Variants in SLC16A9 observed in about 807,000 individuals in gnomAD.
The protein encoded by SLC16A9 is monocarboxylate transporter 9.
A neutral mutation model predicts 44.3 loss-of-function variants in SLC16A9; 26 were observed. That is an observed-to-expected ratio of 0.59 (90% CI 0.43 to 0.81). SLC16A9 has a LOEUF of 0.81. Ranked by LOEUF, SLC16A9 falls within the 40% of genes least tolerant of loss-of-function variation. SLC16A9 has a pLI of 0.00. For missense variants in SLC16A9, 559 were observed against 595.8 expected, an observed-to-expected ratio of 0.94 and a Z score of 0.64; for synonymous variants, 230 against 225.1, an observed-to-expected ratio of 1.02 and a Z score of -0.19.
At chr10:59,702,400 C>G (rs928574215) in intron 1 of SLC16A9, among the ~76,000 whole-genome samples, 2 of 152,058 alleles carry the variant, frequency 1.3e-5, no homozygotes, top group South Asian at 4.1e-4. Flanking sequence ...TTAACATACT[C>G]GCTGATGTGA....
chr10:59,706,785 C>T (rs1328747086), intron 1 of SLC16A9, among the ~76,000 whole-genome samples: 4 of 151,918 alleles, frequency 2.6e-5, no homozygotes, highest in Admixed American at 2.6e-4. Flanking sequence ...CCAGCCTGGC[C>T]AACATGGTGA....
rs569262192 is a variant in SLC16A9 at position 59,696,568 on chromosome 10, G to C, written c.-36-12241C>G. On this transcript the variant is annotated intron_variant, in intron 1 of 5. Transcript: ENST00000395348. ...GAGCGTCTCTGCCTGGCCGCCCATC[G>C]TCTGGGATGTGAGGAGCCTCTCTGC... 9.0e-5 allele frequency among the ~76,000 whole-genome samples: 13 copies of C among 144,508 alleles called. No homozygotes were observed. In the South Asian group the frequency reaches 3.0e-3, roughly 33 times the overall value. 94.8% of individuals were successfully genotyped at this position (144,508 alleles called of 152,430 possible).
intron 1 of SLC16A9, among the ~76,000 whole-genome samples, chr10:59,705,358 G>A (rs970723430): frequency 6.6e-5 from 10 of 152,044 alleles, no homozygotes; most frequent in African/African-American, 2.4e-4. Flanking sequence ...CCCGTTACAT[G>A]ATAGTACAAT....
At chr10:59,660,548 A>G (rs1357270681) in intron 4 of SLC16A9, among the ~76,000 whole-genome samples, 1 of 152,220 alleles carries the variant, frequency 6.6e-6, no homozygotes. Context: ...GACCAGGCGG[A>G]TTCACAGCCA....
intron 3 of SLC16A9, among the ~76,000 whole-genome samples, chr10:59,667,902 C>T (rs766098617): frequency 6.6e-6 from 1 of 152,114 alleles, no homozygotes; most frequent in African/African-American, 2.4e-5. Context: ...TGTAACATTT[C>T]TTTTCCACAC....
At chr10:59,670,536 G>A (rs1344297893) in intron 3 of SLC16A9, among the ~76,000 whole-genome samples, 1 of 152,214 alleles carries the variant, frequency 6.6e-6, no homozygotes, top group Non-Finnish European at 1.5e-5. Context: ...GAGCCTGCCT[G>A]CTAGTCAGTG....
At chr10:59,698,746 C>CT (rs1217808417) in intron 1 of SLC16A9, among the ~76,000 whole-genome samples, 21 of 140,618 alleles carry the variant, frequency 1.5e-4, no homozygotes, top group South Asian at 4.6e-4. Flanking sequence ...TTTTTTTTTT[C>CT]TTTTTTTTTG....
intron 1 of SLC16A9, among the ~76,000 whole-genome samples, chr10:59,702,357 A>G (rs1840542734): frequency 6.6e-6 from 1 of 152,140 alleles, no homozygotes; most frequent in Non-Finnish European, 1.5e-5. Context: ...ATTCTTTCCG[A>G]TTCGGTTTTA....
intron 3 of SLC16A9, among the ~76,000 whole-genome samples, chr10:59,668,578 C>T (rs925706728): frequency 1.3e-5 from 2 of 152,176 alleles, no homozygotes; most frequent in Admixed American, 6.5e-5. Flanking sequence ...ATTGGTTGTG[C>T]GACTTTGGCA....
Position 59,653,722 on chromosome 10 carries a change from A to T in SLC16A9, c.1304T>A (p.Leu435Ter). 1 of 1,614,120 alleles carries T rather than the reference A, an allele frequency of 6.2e-7. No homozygotes were observed. The highest frequency in any genetic ancestry group is 8.5e-7 in the Non-Finnish European group (1 of 1,180,004). The change falls in exon 5 of 6, where the codon TTA becomes TAA. Residue 435 changes from leucine (L) to a stop codon, truncating the protein, a stop_gained. Coordinates refer to ENST00000395348, the MANE Select transcript of SLC16A9 (RefSeq NM_194298.3). LOFTEE classifies it high-confidence loss of function. ...ATTTCCAAGTCCAGCAAAGAACATT[A>T]ATATCCCATAGGCATGGGCTAATTT... ...IEKLAHAYGI[L>*]MFFAGLGNSL...
At chr10:59,673,236 C>A (rs1473352437) in intron 2 of SLC16A9, among the ~76,000 whole-genome samples, 1 of 152,080 alleles carries the variant, frequency 6.6e-6, no homozygotes. Flanking sequence ...CGGTCTTGGG[C>A]AACTTATTTG....
At chr10:59,686,147 C>G (rs1277990351) in intron 1 of SLC16A9, among the ~76,000 whole-genome samples, 1 of 152,232 alleles carries the variant, frequency 6.6e-6, no homozygotes, top group East Asian at 1.9e-4. Flanking sequence ...TATGGATATT[C>G]TATTCTGTTC....
At chr10:59,689,607 C>A (rs1002691110) in intron 1 of SLC16A9, among the ~76,000 whole-genome samples, 2 of 152,290 alleles carry the variant, frequency 1.3e-5, no homozygotes, top group South Asian at 4.1e-4. Flanking sequence ...AGTCCTACTA[C>A]GTTGACCTCC....
intron 1 of SLC16A9, among the ~76,000 whole-genome samples, chr10:59,694,787 G>A (rs1307041620): frequency 3.3e-5 from 2 of 59,724 alleles, no homozygotes; most frequent in African/African-American, 6.0e-5. Context: ...GTAACAGAGC[G>A]AGACTCCATC....
At chr10:59,679,409 T>C (rs1242762467) in intron 2 of SLC16A9, among the ~76,000 whole-genome samples, 2 of 152,170 alleles carry the variant, frequency 1.3e-5, no homozygotes, top group East Asian at 1.9e-4. Context: ...ACAACCATAC[T>C]AGGCAGCCAG....
At chr10:59,667,368 G>A (rs1257643254) in intron 3 of SLC16A9, among the ~76,000 whole-genome samples, 1 of 152,174 alleles carries the variant, frequency 6.6e-6, no homozygotes, top group African/African-American at 2.4e-5. Context: ...TACGGAAGTA[G>A]ATAGGAGAAT....
intron 4 of SLC16A9, 86 bp from the exon 5 acceptor site, chr10:59,654,675 TA>T: frequency 9.1e-7 from 1 of 1,099,272 alleles, no homozygotes. Context: ...ATTTATTTTT[TA>T]TACTGGCATT....
chr10:59,681,696 A>ATATGTATATGATG (rs1564705850), intron 2 of SLC16A9, among the ~76,000 whole-genome samples: 3 of 37,212 alleles, frequency 8.1e-5, no homozygotes, highest in African/African-American at 4.7e-4. Context: ...ATATGTATAT[A>ATATGTATATGATG]TATATGTATA....
In SLC16A9 at chr10:59,652,956, A is replaced by G. The variant is rs750477930; in HGVS notation, c.1352-6T>C. ...GGTCCAGTCATAAAACCAACCTGAA[A>G]AGGCAGTAAGAAAAAAAGTAAGTTT... On this transcript the variant is annotated splice_polypyrimidine_tract_variant and splice_region_variant and intron_variant, in intron 5 of 5. Transcript: ENST00000395348. 1 of 1,593,032 alleles carries G rather than the reference A, an allele frequency of 6.3e-7. No individual in the cohort carries two copies. Among genetic ancestry groups the G allele is most frequent in the Non-Finnish European group, 8.5e-7 (1 of 1,172,786 alleles).
Sources: gnomAD v4.1 joint callset for allele counts (sites outside exome capture counted in the v4.1 genomes callset) on GRCh38, gnomAD v4.1.1 for gene constraint, MANE v1.5 for transcripts, NCBI Gene and HGNC (gene_info 2026-07-23, HGNC 2026-07-21) for gene names.